ABHD5: variants seen among roughly 807,000 people sequenced by gnomAD.
The protein encoded by ABHD5 is abhydrolase domain containing 5, lysophosphatidic acid acyltransferase.
Under a neutral mutation model 44.9 loss-of-function variants are expected in ABHD5, and 30 were observed. The observed-to-expected ratio is 0.67, with a 90% CI of 0.50 to 0.91. The LOEUF is 0.91. Among genes scored for constraint, ABHD5 ranks in the 40% least tolerant of loss-of-function variants. The probability of loss-of-function intolerance (pLI) is 0.00; values close to 1 mark genes in which losing one functional copy is unlikely to be tolerated. For missense variants in ABHD5, 399 were observed against 423.4 expected, an observed-to-expected ratio of 0.94 and a Z score of 0.50; for synonymous variants, 167 against 147.0, an observed-to-expected ratio of 1.14 and a Z score of -0.99.
intron 3 of ABHD5, among the ~76,000 whole-genome samples, chr3:43,707,343 CT>C (rs1455514429): frequency 6.6e-6 from 1 of 152,142 alleles, no homozygotes. Flanking sequence ...GAATACTTTT[CT>C]TTTGCCTGGC....
In ABHD5 at chr3:43,722,444, A is replaced by G. The variant is rs548845414; in HGVS notation, c.*3912A>G. 49 of 152,344 alleles carry G rather than the reference A, an allele frequency of 3.2e-4. No homozygotes were observed. Among genetic ancestry groups the G allele is most frequent in the African/African-American group, 1.1e-3 (45 of 41,588 alleles). The allele number at this position is 152,344 out of a possible 1,614,324, so 9.4% of individuals were successfully genotyped here. A position where few individuals can be genotyped will look rare whatever the true frequency, so the allele number is the denominator to read the frequency against. ...ATTAGTTATACCAATAACTAATAAA[A>G]TGATCTCCTTGTTAGTGGTGGTAGG... On this transcript the variant is annotated 3_prime_UTR_variant, in exon 7 of 7. Coordinates refer to ENST00000644371, the MANE Select transcript of ABHD5 (RefSeq NM_016006.6).
At chr3:43,702,004 C>G in intron 2 of ABHD5, 1 of 510,400 alleles carries the variant, frequency 2.0e-6, no homozygotes, top group Non-Finnish European at 3.4e-6. Context: ...TGAGGTTTGT[C>G]TGAGGTAGGT....
chr3:43,714,892 TTGA>T (rs1342827503), intron 4 of ABHD5, 52 bp from the exon 5 acceptor site: 16 of 1,253,566 alleles, frequency 1.3e-5, no homozygotes, highest in Non-Finnish European at 1.6e-5. Flanking sequence ...TATTATTTAG[TTGA>T]TAAGTTAACT....
chr3:43,717,192 CAAAAAAAAA>C lies in ABHD5; in HGVS notation c.774-475_774-467del, dbSNP rs373935327. Among the ~76,000 whole-genome samples, 102 of 123,732 alleles carry C rather than the reference CAAAAAAAAA, an allele frequency of 8.2e-4. 2 individuals are homozygous for C. Among genetic ancestry groups the C allele is most frequent in the African/African-American group, 3.2e-3 (94 of 29,724 alleles). The allele number at this position is 123,732 out of a possible 152,430, so 81.2% of individuals were successfully genotyped here. ...TCCATCTCAAAAAAAACAAAAAAAA[CAAAAAAAAA>C]AAATGAATAGCAGAAGTGACAGCAA... On this transcript the variant is annotated intron_variant, in intron 5 of 6. Coordinates refer to ENST00000644371, the MANE Select transcript of ABHD5 (RefSeq NM_016006.6).
chr3:43,698,548 CA>C (rs1159364177), intron 1 of ABHD5, among the ~76,000 whole-genome samples: 2 of 152,150 alleles, frequency 1.3e-5, no homozygotes, highest in African/African-American at 4.8e-5. Context: ...TGGCTACAAG[CA>C]AAGTATGTCA....
chr3:43,691,043 A>C lies in ABHD5; in HGVS notation c.47+4A>C. On this transcript the variant is annotated splice_donor_region_variant and intron_variant, in intron 1 of 6. Transcript: ENST00000644371. ...ACTCTGCCGACACCGGAGAGAGGTAAGCGCAGCCGGCAGGGGGCTTCGTGT... is the reference window on the plus strand; with the variant it reads ...ACTCTGCCGACACCGGAGAGAGGTACGCGCAGCCGGCAGGGGGCTTCGTGT... 1 of 1,552,958 alleles carries C rather than the reference A, an allele frequency of 6.4e-7. No individual in the cohort carries two copies. The highest frequency in any genetic ancestry group is 8.7e-7 in the Non-Finnish European group (1 of 1,151,526).
At chr3:43,715,836 A>G (rs1335060791) in intron 5 of ABHD5, among the ~76,000 whole-genome samples, 4 of 152,238 alleles carry the variant, frequency 2.6e-5, no homozygotes, top group Non-Finnish European at 4.4e-5. Context: ...TAGAACCTTT[A>G]CTATACCGAA....
intron 1 of ABHD5, chr3:43,695,102 G>A (rs2149591539): frequency 6.6e-6 from 1 of 152,264 alleles, no homozygotes; most frequent in African/African-American, 2.4e-5. Context: ...CAGGCAGCTG[G>A]TCTTGACCTC....
chr3:43,690,934 G>A (rs1575595708), upstream of ABHD5: 2 of 1,528,164 alleles, frequency 1.3e-6, no homozygotes, highest in South Asian at 2.4e-5. Context: ...GCCCGGGGCG[G>A]CCCAGTCGGC....
At chr3:43,730,136 C>G (rs550575687) in intron 7 of ABHD5, among the ~76,000 whole-genome samples, 2 of 152,352 alleles carry the variant, frequency 1.3e-5, no homozygotes, top group East Asian at 1.9e-4. Context: ...CTTCTAACAA[C>G]TCAGTGGGAA....
intron 2 of ABHD5, among the ~76,000 whole-genome samples, chr3:43,701,238 C>G (rs1012132535): frequency 2.0e-5 from 3 of 152,182 alleles, no homozygotes; most frequent in African/African-American, 7.2e-5. Context: ...AAAGCAGCCC[C>G]TTTTCTAAAC....
At chr3:43,730,298 C>T (rs558264881) in intron 7 of ABHD5, among the ~76,000 whole-genome samples, 1 of 152,272 alleles carries the variant, frequency 6.6e-6, no homozygotes, top group South Asian at 2.1e-4. Context: ...GAGGAATGCT[C>T]TTGGCTGATG....
chr3:43,711,571 ATC>A, intron 3 of ABHD5, 136 bp from the exon 4 acceptor site: 1 of 910,634 alleles, frequency 1.1e-6, no homozygotes, highest in Non-Finnish European at 1.7e-6. Context: ...GCATGATACG[ATC>A]TATTTAGCAC....
chr3:43,691,422 G>A (rs2084380253), intron 1 of ABHD5: 1 of 168,932 alleles, frequency 5.9e-6, no homozygotes, highest in Non-Finnish European at 1.3e-5. Flanking sequence ...TGCCGCCGGC[G>A]GGCGGTGCCC....
intron 5 of ABHD5, among the ~76,000 whole-genome samples, chr3:43,716,851 C>T (rs1178375300): frequency 6.6e-6 from 1 of 152,078 alleles, no homozygotes; most frequent in Non-Finnish European, 1.5e-5. Flanking sequence ...TCATAAAAGG[C>T]AAGTTAGAAT....
At chr3:43,713,981 C>T (rs3774789) in intron 4 of ABHD5, among the ~76,000 whole-genome samples, 9,464 of 151,830 alleles carry the variant, frequency 0.062, 494 homozygotes, top group African/African-American at 0.13. Context: ...TTGCTGGAGT[C>T]ATGGGGTAGT....
At chr3:43,718,206 C>A (rs1413266133) in intron 6 of ABHD5, among the ~76,000 whole-genome samples, 1 of 152,056 alleles carries the variant, frequency 6.6e-6, no homozygotes, top group Non-Finnish European at 1.5e-5. Flanking sequence ...TATTAGTGGT[C>A]AATTTAGTGT....
chr3:43,708,678 G>T (rs530473042), intron 3 of ABHD5, among the ~76,000 whole-genome samples: 211 of 152,234 alleles, frequency 1.4e-3, no homozygotes, highest in African/African-American at 4.9e-3. Flanking sequence ...CCAAAAATAA[G>T]GAACAATTAT....
chr3:43,704,720 A>G (rs2084593687), intron 3 of ABHD5, among the ~76,000 whole-genome samples: 1 of 152,238 alleles, frequency 6.6e-6, no homozygotes, highest in African/African-American at 2.4e-5. Context: ...ATAAAAGAGA[A>G]TAGCAAAAGG....
Sources: gnomAD v4.1 joint callset for allele counts (sites outside exome capture counted in the v4.1 genomes callset) on GRCh38, gnomAD v4.1.1 for gene constraint, MANE v1.5 for transcripts, NCBI Gene and HGNC (gene_info 2026-07-23, HGNC 2026-07-21) for gene names.